MALRD1: variants seen among roughly 807,000 people sequenced by gnomAD.
The protein encoded by MALRD1 is MAM and LDL receptor class A domain containing 1, also known as MAM and LDL-receptor class A domain-containing protein 1.
Under a neutral mutation model 242.1 loss-of-function variants are expected in MALRD1, and 247 were observed. The ratio of observed to expected loss-of-function variants is 1.02; its 90% CI spans 0.92 to 1.13. The LOEUF (loss-of-function observed/expected upper bound fraction) is 1.13, where lower values mean the gene tolerates loss of function less well. MALRD1 is among the 50% of genes most tolerant of loss of function. MALRD1 has a pLI of 0.00. For missense variants in MALRD1, 2,989 were observed against 2,533.1 expected, an observed-to-expected ratio of 1.18 and a Z score of -3.86; for synonymous variants, 995 against 866.6, an observed-to-expected ratio of 1.15 and a Z score of -2.60.
chr10:19,238,445 ACATT>A (rs1838539678), intron 18 of MALRD1, among the ~76,000 whole-genome samples: 3 of 55,276 alleles, frequency 5.4e-5, no homozygotes, highest in African/African-American at 1.6e-4. Flanking sequence ...TATATAATAT[ACATT>A]ATATATAATA....
At chr10:19,212,990 A>G (rs965398218) in intron 18 of MALRD1, among the ~76,000 whole-genome samples, 1 of 152,148 alleles carries the variant, frequency 6.6e-6, no homozygotes, top group East Asian at 1.9e-4. Context: ...CAAGCCTTTT[A>G]TCAGATATAT....
At chr10:19,660,004 GA>G (rs1351645505) in intron 36 of MALRD1, among the ~76,000 whole-genome samples, 2 of 152,110 alleles carry the variant, frequency 1.3e-5, no homozygotes, top group Non-Finnish European at 1.5e-5. Context: ...TTAGCTGTAA[GA>G]ACTAAATCAG....
At chr10:19,280,025 C>G in intron 19 of MALRD1, 22 bp from the exon 20 acceptor site, 2 of 1,457,940 alleles carry the variant, frequency 1.4e-6, no homozygotes, top group African/African-American at 1.4e-5. Context: ...TAAATGATGC[C>G]TGTATATTAT....
At chr10:19,248,864 G>A (rs1026435473) in intron 18 of MALRD1, among the ~76,000 whole-genome samples, 11 of 149,048 alleles carry the variant, frequency 7.4e-5, no homozygotes, top group African/African-American at 2.7e-4. Context: ...ACAACTAATA[G>A]CTATTATACA....
In MALRD1 at chr10:19,094,194, G is replaced by A. The variant is rs1366419555; in HGVS notation, c.597+6009G>A. ...TGGCGGGCGCCCCTCCCCCAGCCTCGTTGCTGCCTTTCAGTTTGATCTCAG... is the reference window on the plus strand; with the variant it reads ...TGGCGGGCGCCCCTCCCCCAGCCTCATTGCTGCCTTTCAGTTTGATCTCAG... On this transcript the variant is annotated intron_variant, in intron 4 of 39. Transcript: ENST00000454679. Among the ~76,000 whole-genome samples, 4 of 105,602 alleles carry A rather than the reference G, an allele frequency of 3.8e-5. 2 individuals are homozygous for A. Among genetic ancestry groups the A allele is most frequent in the Non-Finnish European group, 7.8e-5 (4 of 51,366 alleles). The allele number at this position is 105,602 out of a possible 152,430, so 69.3% of individuals were successfully genotyped here. A position where few individuals can be genotyped will look rare whatever the true frequency, so the allele number is the denominator to read the frequency against.
At chr10:19,212,493 A>G (rs1837114171) in intron 18 of MALRD1, among the ~76,000 whole-genome samples, 1 of 152,184 alleles carries the variant, frequency 6.6e-6, no homozygotes, top group African/African-American at 2.4e-5. Flanking sequence ...TCATTAATGT[A>G]TTGATTGATA....
At position 19,104,126 on chromosome 10, in the gene MALRD1, T is replaced by A. The variant is rs538992931; in HGVS notation, c.694+51T>A. On this transcript the variant is annotated intron_variant, in intron 5 of 39. Coordinates refer to ENST00000454679, the MANE Select transcript of MALRD1 (RefSeq NM_001142308.3). Reference sequence around the variant, plus strand: ...TCTTTACTGTGTTTAAAGATTTCAGTGCAATTTAAACATTGTGATGACTTT... The same window carrying A: ...TCTTTACTGTGTTTAAAGATTTCAGAGCAATTTAAACATTGTGATGACTTT... 2.0e-5 allele frequency: 20 copies of A among 1,017,984 alleles called. No homozygotes were observed. In the South Asian group the frequency reaches 8.5e-4, roughly 43 times the overall value. 63.1% of individuals were successfully genotyped at this position (1,017,984 alleles called of 1,614,324 possible). A position where few individuals can be genotyped will look rare whatever the true frequency, so the allele number is the denominator to read the frequency against.
chr10:19,464,955 T>G (rs1836146285), intron 29 of MALRD1, among the ~76,000 whole-genome samples: 1 of 66,142 alleles, frequency 1.5e-5, no homozygotes, highest in Admixed American at 1.8e-4. Context: ...CCAATTTTTT[T>G]TTTTTTTTTT....
intron 14 of MALRD1, among the ~76,000 whole-genome samples, chr10:19,195,198 C>A (rs1242340798): frequency 6.6e-6 from 1 of 152,144 alleles, no homozygotes; most frequent in African/African-American, 2.4e-5. Flanking sequence ...TGGAAAATAT[C>A]TCTTGTAAAT....
At chr10:19,249,811 T>C (rs374446224) in intron 18 of MALRD1, among the ~76,000 whole-genome samples, 12 of 152,132 alleles carry the variant, frequency 7.9e-5, no homozygotes, top group African/African-American at 2.4e-4. Flanking sequence ...ATGTGGGACA[T>C]TGAGCTAGAA....
At chr10:19,237,347 AT>A (rs57209636) in intron 18 of MALRD1, among the ~76,000 whole-genome samples, 14,210 of 144,712 alleles carry the variant, frequency 0.098, 817 homozygotes, top group East Asian at 0.17. Flanking sequence ...CTCTATTAAC[AT>A]TTTTTTTTTA....
intron 11 of MALRD1, among the ~76,000 whole-genome samples, chr10:19,149,175 G>A (rs1236457590): frequency 6.6e-6 from 1 of 151,886 alleles, no homozygotes; most frequent in Non-Finnish European, 1.5e-5. Flanking sequence ...GAGTGCAGTG[G>A]TGTGATCCAT....
intron 4 of MALRD1, among the ~76,000 whole-genome samples, chr10:19,103,635 G>T (rs1836358704): frequency 1.3e-5 from 2 of 152,126 alleles, no homozygotes; most frequent in African/African-American, 4.8e-5. Context: ...CTGGAGCTCA[G>T]GATGGAGCAT....
intron 12 of MALRD1, among the ~76,000 whole-genome samples, chr10:19,155,871 C>G (rs1431186161): frequency 1.3e-5 from 2 of 152,124 alleles, no homozygotes; most frequent in Admixed American, 6.5e-5. Flanking sequence ...AGTAGGTAAA[C>G]AATGTTTGTA....
At chr10:19,182,728 C>T (rs1009598184) in intron 14 of MALRD1, among the ~76,000 whole-genome samples, 2 of 151,980 alleles carry the variant, frequency 1.3e-5, no homozygotes, top group African/African-American at 4.8e-5. Context: ...TGAAAAGTTC[C>T]CTACGTGAGC....
At chr10:19,632,554 A>G (rs891172125) in intron 36 of MALRD1, among the ~76,000 whole-genome samples, 2 of 152,148 alleles carry the variant, frequency 1.3e-5, no homozygotes, top group African/African-American at 4.8e-5. Context: ...TAAAAACCTA[A>G]GGAATAATGA....
At chr10:19,142,171 C>CA (rs529000033) in intron 10 of MALRD1, among the ~76,000 whole-genome samples, 1,017 of 26,198 alleles carry the variant, frequency 0.039, 131 homozygotes, top group African/African-American at 0.071. Context: ...GACTCTAACT[C>CA]AAAAAAAAAA....
intron 21 of MALRD1, among the ~76,000 whole-genome samples, chr10:19,320,823 C>G (rs1404936109): frequency 6.6e-6 from 1 of 151,966 alleles, no homozygotes; most frequent in Non-Finnish European, 1.5e-5. Flanking sequence ...TCGCTAATGA[C>G]CTGTGATGAT....
chr10:19,489,568 CT>C (rs932239757), intron 29 of MALRD1, among the ~76,000 whole-genome samples: 2 of 151,794 alleles, frequency 1.3e-5, no homozygotes, highest in African/African-American at 4.8e-5. Flanking sequence ...AGTGTAAATG[CT>C]TTTTTTTAAG....
Sources: gnomAD v4.1 joint callset for allele counts (sites outside exome capture counted in the v4.1 genomes callset) on GRCh38, gnomAD v4.1.1 for gene constraint, MANE v1.5 for transcripts, NCBI Gene and HGNC (gene_info 2026-07-23, HGNC 2026-07-21) for gene names.